EGFR: variants seen among roughly 807,000 people sequenced by gnomAD.
EGFR encodes epidermal growth factor receptor.
EGFR carries 58 observed loss-of-function variants against 143.0 expected under a neutral mutation model. The ratio of observed to expected loss-of-function variants is 0.41; its 90% CI spans 0.33 to 0.50. The LOEUF is 0.50. EGFR is among the 20% of genes least tolerant of loss of function. EGFR has a pLI of 0.39. For missense variants in EGFR, 1,307 were observed against 1,579.0 expected, an observed-to-expected ratio of 0.83 and a Z score of 2.92; for synonymous variants, 613 against 594.4, an observed-to-expected ratio of 1.03 and a Z score of -0.45.
intron 15 of EGFR, chr7:55,168,503 G>A (rs1554347072): frequency 7.3e-7 from 1 of 1,371,736 alleles, no homozygotes; most frequent in East Asian, 2.3e-5. Context: ...TTTTTCTAAT[G>A]TCTTTCTATT....
chr7:55,026,054 C>A (rs1786865685), intron 1 of EGFR, among the ~76,000 whole-genome samples: 2 of 152,026 alleles, frequency 1.3e-5, no homozygotes, highest in African/African-American at 4.8e-5. Flanking sequence ...AGCTGAGGGG[C>A]TTTTGAAAAA....
At position 55,192,761 on chromosome 7, in the gene EGFR, C is replaced by T. The variant is rs563080257; in HGVS notation, c.2626-5C>T. 2.8e-5 allele frequency: 45 copies of T among 1,613,898 alleles called. 1 individual carries two copies. In the South Asian group the frequency reaches 4.7e-4, roughly 17 times the overall value. ...TCTCACTGCCTCATCTCTCACCATC[C>T]CAAGGTGCCTATCAAGTGGATGGCA... On this transcript the variant is annotated splice_polypyrimidine_tract_variant and splice_region_variant and intron_variant, in intron 21 of 27. Transcript: ENST00000275493.
chr7:55,028,403 G>A (rs1787059375), intron 1 of EGFR, among the ~76,000 whole-genome samples: 1 of 152,150 alleles, frequency 6.6e-6, no homozygotes, highest in South Asian at 2.1e-4. Flanking sequence ...AAACCACTTA[G>A]TGAATTTGTG....
rs568715749 is a variant in EGFR at position 55,075,317 on chromosome 7, C to T, written c.88+55952C>T. ...CACACCGGTGGCCACTTTTCATTCA[C>T]TCTGAACCCTTCTTTGTATGGAGGT... On this transcript the variant is annotated intron_variant, in intron 1 of 27. Coordinates refer to ENST00000275493, the MANE Select transcript of EGFR (RefSeq NM_005228.5). Among the ~76,000 whole-genome samples the T allele has an allele frequency of 5.7e-4, 87 of 152,322 alleles. 1 individual carries two copies. The highest frequency in any genetic ancestry group is 2.0e-3 in the African/African-American group (83 of 41,572).
intron 1 of EGFR, among the ~76,000 whole-genome samples, chr7:55,111,108 T>G (rs1364404294): frequency 6.6e-6 from 1 of 152,218 alleles, no homozygotes; most frequent in Non-Finnish European, 1.5e-5. Context: ...GACAGCTGAC[T>G]GCACTCTTCC....
chr7:55,140,686 A>T (rs1270761605), intron 1 of EGFR, among the ~76,000 whole-genome samples: 2 of 152,220 alleles, frequency 1.3e-5, no homozygotes, highest in Non-Finnish European at 2.9e-5. Flanking sequence ...ACGCTGGGTC[A>T]ATCCAGAGTT....
intron 1 of EGFR, among the ~76,000 whole-genome samples, chr7:55,134,697 A>C (rs950662502): frequency 2.0e-5 from 3 of 152,160 alleles, no homozygotes; most frequent in Admixed American, 1.3e-4. Flanking sequence ...GCCCATAAAA[A>C]ATGGAAAGTG....
At chr7:55,192,323 C>T (rs17337338) in intron 21 of EGFR, among the ~76,000 whole-genome samples, 1,686 of 152,270 alleles carry the variant, frequency 0.011, 30 homozygotes, top group African/African-American at 0.036. Context: ...TCTCCCTTCA[C>T]TGGCTCGGTT....
chr7:55,116,005 T>A (rs1311183364), intron 1 of EGFR, among the ~76,000 whole-genome samples: 2 of 152,134 alleles, frequency 1.3e-5, no homozygotes, highest in Non-Finnish European at 2.9e-5. Context: ...GGTTACAGTG[T>A]TTGTTATCAT....
At chr7:55,030,085 C>T (rs1474568191) in intron 1 of EGFR, among the ~76,000 whole-genome samples, 1 of 152,150 alleles carries the variant, frequency 6.6e-6, no homozygotes, top group Non-Finnish European at 1.5e-5. Context: ...AGGCTCAGAG[C>T]GATTCTGCTG....
intron 17 of EGFR, 131 bp downstream of exon 17, chr7:55,173,255 T>C: frequency 7.4e-7 from 1 of 1,359,670 alleles, no homozygotes; most frequent in Non-Finnish European, 1.0e-6. Flanking sequence ...AAAGAATCTC[T>C]GAATGTGCAG....
At chr7:55,095,976 C>T (rs1036286891) in intron 1 of EGFR, among the ~76,000 whole-genome samples, 1 of 150,108 alleles carries the variant, frequency 6.7e-6, no homozygotes, top group East Asian at 2.0e-4. Flanking sequence ...CACACAGACA[C>T]GGGCACACAC....
intron 1 of EGFR, among the ~76,000 whole-genome samples, chr7:55,096,770 C>T (rs1237820801): frequency 6.6e-6 from 1 of 152,062 alleles, no homozygotes; most frequent in Non-Finnish European, 1.5e-5. Flanking sequence ...CACCTGTCAG[C>T]CCCTGCCAGC....
intron 11 of EGFR, 23 bp from the exon 12 acceptor site, chr7:55,160,116 G>A (rs1211632932): frequency 6.2e-7 from 1 of 1,613,274 alleles, no homozygotes; most frequent in African/African-American, 1.3e-5. Context: ...TTCACCACAT[G>A]ATTTTTCTTC....
At position 55,206,290 on chromosome 7, in the gene EGFR, C is replaced by T; in HGVS notation, c.*673C>T. 4.2e-6 allele frequency: 1 copy of T among 235,484 alleles called. No individual in the cohort carries two copies. Among genetic ancestry groups the T allele is most frequent in the East Asian group, 6.0e-5 (1 of 16,606 alleles). 14.6% of individuals were successfully genotyped at this position (235,484 alleles called of 1,614,324 possible). ...TTAGACTTACTTTTGTAAAAATGTCCCCACGGTACTTACTCCCCACTGATG... is the reference window on the plus strand; with the variant it reads ...TTAGACTTACTTTTGTAAAAATGTCTCCACGGTACTTACTCCCCACTGATG... On this transcript the variant is annotated 3_prime_UTR_variant, in exon 28 of 28. Coordinates refer to ENST00000275493, the MANE Select transcript of EGFR (RefSeq NM_005228.5).
chr7:55,062,153 G>A (rs1033665926), intron 1 of EGFR, among the ~76,000 whole-genome samples: 3 of 152,188 alleles, frequency 2.0e-5, no homozygotes, highest in African/African-American at 7.2e-5. Context: ...AGAAAGATGG[G>A]GAAGGAGGGT....
intron 19 of EGFR, chr7:55,180,802 T>A (rs766101324): frequency 1.3e-4 from 25 of 188,542 alleles, no homozygotes; most frequent in Admixed American, 9.6e-4. Flanking sequence ...CCCGGATGCC[T>A]TCTCCATCGC....
At chr7:55,171,237 A>G in intron 16 of EGFR, 24 bp downstream of exon 16, 1 of 1,614,196 alleles carries the variant, frequency 6.2e-7, no homozygotes, top group Non-Finnish European at 8.5e-7. Context: ...GCTCTGTGTC[A>G]CATGGACCTC....
chr7:55,024,716 T>C (rs1423445537), intron 1 of EGFR, among the ~76,000 whole-genome samples: 1 of 152,160 alleles, frequency 6.6e-6, no homozygotes, highest in South Asian at 2.1e-4. Context: ...CCATGATGAG[T>C]GATTTACACT....
Sources: allele counts gnomAD v4.1 joint callset (sites outside exome capture counted in the v4.1 genomes callset), GRCh38; gene constraint gnomAD v4.1.1; transcripts MANE v1.5; gene names NCBI Gene and HGNC (gene_info 2026-07-23, HGNC 2026-07-21).